ZNF91: variants seen among roughly 807,000 people sequenced by gnomAD.
The protein encoded by ZNF91 is zinc finger protein 91 (HPF7, HTF10).
ZNF91 carries 7 observed loss-of-function variants against 12.6 expected under a neutral mutation model. The observed-to-expected ratio is 0.55, with a 90% confidence interval of 0.31 to 1.04. The LOEUF is 1.04. Ranked by LOEUF, ZNF91 falls within the 50% of genes least tolerant of loss-of-function variation. ZNF91 has a pLI of 0.05. For synonymous variants in ZNF91, 453 were observed against 462.6 expected (o/e 0.98, Z 0.27); for missense variants, 1,217 against 1,385.4 (o/e 0.88, Z 1.93).
In ZNF91 at chr19:23,361,164, T is replaced by C. The variant is rs1408693864; in HGVS notation, c.1815A>G (p.Glu605=). The change falls in exon 4 of 4, where the codon GAA becomes GAG. Residue 605 remains glutamate, a synonymous_variant. Coordinates refer to ENST00000300619, the MANE Select transcript of ZNF91 (RefSeq NM_003430.4). ...IHTGEKSYKC[E]ECGKAFLWSS... ...ACCATAGAAATGCTTTGCCACATTC[T>C]TCACACTTGTAAGACTTCTCTCCAG... 3 of 1,613,816 alleles carry C rather than the reference T, an allele frequency of 1.9e-6. No homozygotes were observed. The South Asian group carries it at 3.3e-5, about 18-fold the overall frequency.
At chr19:23,378,672 A>G (rs1969591819) in intron 1 of ZNF91, among the ~76,000 whole-genome samples, 1 of 152,190 alleles carries the variant, frequency 6.6e-6, no homozygotes, top group African/African-American at 2.4e-5. Context: ...ATATATGTTC[A>G]GGTGTAGACA....
At chr19:23,321,094 G>A (rs1036269639) in intron 1 of ZNF91, among the ~76,000 whole-genome samples, 1 of 152,162 alleles carries the variant, frequency 6.6e-6, no homozygotes, top group Non-Finnish European at 1.5e-5. Flanking sequence ...CTCATACCTA[G>A]AACCAGAACA....
In ZNF91 at chr19:23,323,451, T is replaced by C. The variant is rs978451248; in HGVS notation, n.117-14354A>G. ...TTCTCCCCATTCTTTTCCTTTTTTC[T>C]CCTCTACTTCTCTGTCCTCTTCTCC... On this transcript the variant is annotated intron_variant and non_coding_transcript_variant, in intron 1 of 1. Coordinates refer to the ZNF91 transcript ENST00000596528. Among the ~76,000 whole-genome samples the C allele has an allele frequency of 1.3e-4, 18 of 138,474 alleles. 1 individual carries two copies. Among genetic ancestry groups the C allele is most frequent in the Non-Finnish European group, 1.5e-5 (1 of 64,792 alleles). 90.8% of individuals were successfully genotyped at this position (138,474 alleles called of 152,430 possible).
chr19:23,327,686 C>A (rs570833207), intron 1 of ZNF91: 42 of 152,218 alleles, frequency 2.8e-4, no homozygotes, highest in African/African-American at 1.0e-3. Flanking sequence ...CTCTGTGATA[C>A]AGAAAATAGA....
intron 3 of ZNF91, 149 bp from the exon 4 acceptor site, chr19:23,362,874 T>TTTTG (rs764309283): frequency 1.1e-4 from 133 of 1,201,442 alleles, no homozygotes; most frequent in Middle Eastern, 3.1e-4. Context: ...ATTTTTGTTT[T>TTTTG]TTTGTTTGTT....
chr19:23,357,052 C>A (rs938548395), downstream of ZNF91, among the ~76,000 whole-genome samples: 2 of 152,140 alleles, frequency 1.3e-5, no homozygotes, highest in Non-Finnish European at 2.9e-5. Flanking sequence ...AACGGTGAAA[C>A]CCCGTCTCTA....
intron 3 of ZNF91, chr19:23,307,298 G>A (rs1967410993): frequency 6.6e-6 from 1 of 152,084 alleles, no homozygotes; most frequent in Non-Finnish European, 1.5e-5. Flanking sequence ...ACCACTTGAT[G>A]TGACTCTGCT....
intron 3 of ZNF91, among the ~76,000 whole-genome samples, chr19:23,351,906 G>A (rs780053486): frequency 1.3e-5 from 2 of 152,134 alleles, no homozygotes; most frequent in African/African-American, 2.4e-5. Flanking sequence ...GCTGAATCCC[G>A]AAGCAGCCCA....
rs375219444 is a variant in ZNF91 at position 23,359,940 on chromosome 19, C to T, written c.3039G>A (p.Thr1013=). The T allele has an allele frequency of 1.3e-4, 216 of 1,611,646 alleles. 1 individual carries two copies. In the South Asian group the frequency reaches 1.5e-3, roughly 11 times the overall value. ...ATGGTTTCTCTCCAGTGTGCATCCT[C>T]GTATGTCTAGTTAGGGTTGAGGATT... ...FSQSSTLTRH[T]RMHTGEKPYK... is the part of the protein sequence containing the mutation. The change falls in exon 4 of 4, where the codon ACG becomes ACA. Residue 1013 remains threonine (T), a synonymous_variant. Coordinates refer to ENST00000300619, the MANE Select transcript of ZNF91 (RefSeq NM_003430.4).
chr19:23,342,202 A>G, intron 3 of ZNF91: 1 of 563,918 alleles, frequency 1.8e-6, no homozygotes. Flanking sequence ...ATGTCTCTTC[A>G]CATTCCAGGG....
intron 1 of ZNF91, among the ~76,000 whole-genome samples, chr19:23,320,617 GA>G (rs1350110558): frequency 1.3e-5 from 2 of 152,154 alleles, no homozygotes; most frequent in Non-Finnish European, 2.9e-5. Flanking sequence ...CAGTATGGGG[GA>G]AACTGTCCCA....
downstream of ZNF91, among the ~76,000 whole-genome samples, chr19:23,336,777 TTTTG>T (rs1968016820): frequency 6.6e-6 from 1 of 152,162 alleles, no homozygotes; most frequent in Non-Finnish European, 1.5e-5. Context: ...ATTTATTCAT[TTTTG>T]TTTTTGTTGA....
At chr19:23,351,409 G>C (rs931622242) in intron 3 of ZNF91, among the ~76,000 whole-genome samples, 2 of 152,082 alleles carry the variant, frequency 1.3e-5, no homozygotes, top group South Asian at 2.1e-4. Flanking sequence ...AGTATTATTT[G>C]TGATATGTAA....
Position 23,350,755 on chromosome 19 carries a change from A to G in ZNF91, c.254-11701T>C, listed in dbSNP as rs60776856. Among the ~76,000 whole-genome samples the G allele has an allele frequency of 4.4e-3, 668 of 152,266 alleles. 4 individuals are homozygous for G. Among genetic ancestry groups the G allele is most frequent in the African/African-American group, 0.015 (642 of 41,572 alleles). ...GCAGGAAGAGATATGGCCAGGAGACACATTCCACCTGAAGACTGAGAGGGA... is the reference window on the plus strand; with the variant it reads ...GCAGGAAGAGATATGGCCAGGAGACGCATTCCACCTGAAGACTGAGAGGGA... On this transcript the variant is annotated intron_variant, in intron 3 of 3. Coordinates refer to the ZNF91 transcript ENST00000599743.
At chr19:23,364,122 C>T (rs1456430552) in intron 3 of ZNF91, among the ~76,000 whole-genome samples, 2 of 152,200 alleles carry the variant, frequency 1.3e-5, no homozygotes, top group Admixed American at 1.3e-4. Flanking sequence ...AGTTCAAGGC[C>T]AGCCTGGCCA....
chr19:23,386,875 A>T (rs1203872951), intron 1 of ZNF91, among the ~76,000 whole-genome samples: 1 of 152,200 alleles, frequency 6.6e-6, no homozygotes, highest in African/African-American at 2.4e-5. Context: ...CAGACAACCT[A>T]CGGAATAATA....
chr19:23,389,451 T>C lies in ZNF91; in HGVS notation c.30+5874A>G, dbSNP rs77586356. ...ATCAAAAATGCTGTAGTAAAATTCC[T>C]GAGTGTGGTTCCCTGTCCTGGGAGA... On this transcript the variant is annotated intron_variant, in intron 1 of 3. Coordinates refer to ENST00000300619, the MANE Select transcript of ZNF91 (RefSeq NM_003430.4). 0.012 allele frequency among the ~76,000 whole-genome samples: 1,841 copies of C among 151,594 alleles called. 153 individuals carry two copies. The East Asian group carries it at 0.24, about 20-fold the overall frequency.
upstream of ZNF91, among the ~76,000 whole-genome samples, chr19:23,311,901 CAA>C (rs78028804): frequency 1.7e-3 from 158 of 91,742 alleles, no homozygotes; most frequent in African/African-American, 4.9e-3. Flanking sequence ...TAGGCCATGC[CAA>C]AAAAAAAAAA....
In ZNF91 at chr19:23,369,765, G is replaced by A. The variant is rs550758336; in HGVS notation, c.253+3977C>T. ...CCACTCAGGGTTAAATGGATTAAGG[G>A]CGGTGCAAGATGTGCTTTGTTAAAC... On this transcript the variant is annotated intron_variant, in intron 3 of 3. Coordinates refer to ENST00000300619, the MANE Select transcript of ZNF91 (RefSeq NM_003430.4). Among the ~76,000 whole-genome samples the A allele has an allele frequency of 2.8e-3, 425 of 151,172 alleles. 3 individuals carry two copies. The highest frequency in any genetic ancestry group is 4.8e-3 in the Non-Finnish European group (327 of 67,800).
Sources: allele counts gnomAD v4.1 joint callset (sites outside exome capture counted in the v4.1 genomes callset), GRCh38; gene constraint gnomAD v4.1.1; transcripts MANE v1.5; gene names NCBI Gene and HGNC (gene_info 2026-07-23, HGNC 2026-07-21).